PPP3R1: variants seen among roughly 807,000 people sequenced by gnomAD.
The protein encoded by PPP3R1 is calcineurin subunit B type 1.
In PPP3R1, 5 loss-of-function variants were observed where a neutral mutation model predicts 22.6. That is an observed-to-expected ratio of 0.22 (90% CI 0.12 to 0.46). The LOEUF is 0.46. PPP3R1 is among the 20% of genes least tolerant of loss of function. The pLI is 0.99. For missense variants in PPP3R1, 61 were observed against 203.2 expected (o/e 0.30, Z 4.25); for synonymous variants, 56 against 65.2 (o/e 0.86, Z 0.68).
At chr2:68,193,474 T>C (rs953617504) in intron 2 of PPP3R1, among the ~76,000 whole-genome samples, 11 of 152,128 alleles carry the variant, frequency 7.2e-5, no homozygotes, top group African/African-American at 2.7e-4. Context: ...ACTAGAGGAA[T>C]CCATACCTAA....
intron 2 of PPP3R1, among the ~76,000 whole-genome samples, chr2:68,196,670 C>G (rs1430324393): frequency 2.6e-5 from 4 of 151,884 alleles, no homozygotes; most frequent in African/African-American, 7.3e-5. Flanking sequence ...ATGCAATTGT[C>G]AAATATGCAA....
chr2:68,198,130 A>G (rs1022596140), intron 2 of PPP3R1, among the ~76,000 whole-genome samples: 3 of 141,998 alleles, frequency 2.1e-5, no homozygotes, highest in Non-Finnish European at 3.1e-5. Flanking sequence ...ATATATGTAA[A>G]CATGTTTACA....
chr2:68,185,414 TTATATTTA>T (rs998439545), intron 5 of PPP3R1, among the ~76,000 whole-genome samples: 2 of 144,296 alleles, frequency 1.4e-5, no homozygotes, highest in Non-Finnish European at 3.0e-5. Flanking sequence ...CATTTATATA[TTATATTTA>T]TATATTTATA....
intron 2 of PPP3R1, among the ~76,000 whole-genome samples, chr2:68,200,904 C>T (rs750301318): frequency 5.3e-5 from 8 of 152,068 alleles, no homozygotes; most frequent in Non-Finnish European, 8.8e-5. Flanking sequence ...TTGGTTTATC[C>T]ACATTATGGT....
intron 1 of PPP3R1, 123 bp from the exon 2 acceptor site, chr2:68,217,254 A>G: frequency 1.8e-6 from 1 of 557,182 alleles, no homozygotes; most frequent in Non-Finnish European, 3.2e-6. Flanking sequence ...ATATGACCAC[A>G]TATATAAATT....
At chr2:68,218,931 GACC>G (rs992068762) in intron 1 of PPP3R1, among the ~76,000 whole-genome samples, 2 of 151,936 alleles carry the variant, frequency 1.3e-5, no homozygotes, top group African/African-American at 4.8e-5. Context: ...ACGTCCACAA[GACC>G]TAAGAACCAA....
rs112556911 is a variant in PPP3R1 at position 68,229,540 on chromosome 2, C to T, written c.4-12409G>A. On this transcript the variant is annotated intron_variant, in intron 1 of 5. Transcript: ENST00000234310. ...GACTTGTGTATTTCTCTTTTTAGTT[C>T]CATCAGTCTTTTTTCATATATTTTG... Among the ~76,000 whole-genome samples the T allele has an allele frequency of 5.1e-4, 77 of 152,208 alleles. 1 individual carries two copies. Among genetic ancestry groups the T allele is most frequent in the African/African-American group, 1.7e-3 (71 of 41,532 alleles).
chr2:68,229,130 C>T (rs879464456), intron 1 of PPP3R1, among the ~76,000 whole-genome samples: 24 of 152,010 alleles, frequency 1.6e-4, no homozygotes, highest in Non-Finnish European at 3.1e-4. Flanking sequence ...TGATCCTCTC[C>T]CACCTCATCC....
chr2:68,225,211 C>T (rs1669760758), intron 1 of PPP3R1, among the ~76,000 whole-genome samples: 1 of 152,180 alleles, frequency 6.6e-6, no homozygotes, highest in Admixed American at 6.5e-5. Context: ...TAATTAAGGT[C>T]CCAAATCAAC....
chr2:68,215,524 ACT>A (rs1669563362), intron 2 of PPP3R1, among the ~76,000 whole-genome samples: 1 of 151,998 alleles, frequency 6.6e-6, no homozygotes, highest in Non-Finnish European at 1.5e-5. Context: ...AAAAGAACAA[ACT>A]CTGACTCACT....
chr2:68,214,503 A>T (rs1181620423), intron 2 of PPP3R1, among the ~76,000 whole-genome samples: 1 of 152,204 alleles, frequency 6.6e-6, no homozygotes, highest in Non-Finnish European at 1.5e-5. Context: ...GAAGGCATAC[A>T]TGCGGCCAAC....
At chr2:68,198,182 T>C (rs1040383828) in intron 2 of PPP3R1, among the ~76,000 whole-genome samples, 1 of 143,590 alleles carries the variant, frequency 7.0e-6, no homozygotes, top group Non-Finnish European at 1.5e-5. Flanking sequence ...TACATGTATA[T>C]ATAATATATA....
intron 1 of PPP3R1, among the ~76,000 whole-genome samples, chr2:68,220,089 T>C (rs1669658172): frequency 6.6e-6 from 1 of 152,180 alleles, no homozygotes; most frequent in African/African-American, 2.4e-5. Flanking sequence ...TCTGTGATCA[T>C]CTATATAAGA....
chr2:68,208,615 C>T (rs1355078858), intron 2 of PPP3R1, among the ~76,000 whole-genome samples: 1 of 152,000 alleles, frequency 6.6e-6, no homozygotes, highest in Non-Finnish European at 1.5e-5. Flanking sequence ...ACATACATGC[C>T]CTCATATGAT....
intron 5 of PPP3R1, among the ~76,000 whole-genome samples, chr2:68,182,153 C>T (rs979227427): frequency 7.5e-6 from 1 of 134,086 alleles, no homozygotes; most frequent in Admixed American, 8.8e-5. Context: ...GAATCTCTTT[C>T]GTGTCTAGCT....
chr2:68,181,751 A>G (rs1469529678), intron 5 of PPP3R1, among the ~76,000 whole-genome samples: 4 of 152,126 alleles, frequency 2.6e-5, no homozygotes, highest in African/African-American at 9.7e-5. Context: ...ATTATGACAA[A>G]AACTGTCCTC....
At chr2:68,224,519 C>T (rs867933776) in intron 1 of PPP3R1, among the ~76,000 whole-genome samples, 1 of 151,918 alleles carries the variant, frequency 6.6e-6, no homozygotes, top group Non-Finnish European at 1.5e-5. Flanking sequence ...AAAAAACTAG[C>T]CGGGCGTGGT....
intron 2 of PPP3R1, among the ~76,000 whole-genome samples, chr2:68,212,089 T>G (rs1038508370): frequency 3.3e-4 from 49 of 150,168 alleles, no homozygotes; most frequent in Non-Finnish European, 1.9e-4. Context: ...GGTTTGTTTG[T>G]TTTTTTTTGG....
At chr2:68,207,895 C>T (rs373432369) in intron 2 of PPP3R1, among the ~76,000 whole-genome samples, 1 of 152,220 alleles carries the variant, frequency 6.6e-6, no homozygotes, top group Non-Finnish European at 1.5e-5. Flanking sequence ...GTGGCTCACG[C>T]CTGCAATGCC....
Sources: allele counts gnomAD v4.1 joint callset (sites outside exome capture counted in the v4.1 genomes callset), GRCh38; gene constraint gnomAD v4.1.1; transcripts MANE v1.5; gene names NCBI Gene and HGNC (gene_info 2026-07-23, HGNC 2026-07-21).